Variants in EXOC3 observed in about 807,000 individuals in gnomAD.
EXOC3 encodes SEC6-like 1.
In EXOC3, 21 loss-of-function variants were observed where a neutral mutation model predicts 73.7. The ratio of observed to expected loss-of-function variants is 0.29; its 90% CI spans 0.20 to 0.41. EXOC3 has a LOEUF of 0.41. Among genes scored for constraint, EXOC3 ranks in the 10% least tolerant of loss-of-function variants. The probability of loss-of-function intolerance (pLI) is 1.00; values close to 1 mark genes in which losing one functional copy is unlikely to be tolerated. For synonymous variants in EXOC3, 410 were observed against 389.1 expected (o/e 1.05, Z -0.63); for missense variants, 842 against 985.1 (o/e 0.85, Z 1.95).
At chr5:443,691 C>G (rs999451328) in intron 1 of EXOC3, among the ~76,000 whole-genome samples, 1 of 151,396 alleles carries the variant, frequency 6.6e-6, no homozygotes, top group Non-Finnish European at 1.5e-5. Flanking sequence ...AGTGTCCTTC[C>G]TGGCGCAGGT....
At chr5:448,218 AGGGCAGAGGCG>A (rs1737561340) in intron 3 of EXOC3, among the ~76,000 whole-genome samples, 1 of 152,236 alleles carries the variant, frequency 6.6e-6, no homozygotes, top group South Asian at 2.1e-4. Flanking sequence ...TGCACAGGCC[AGGGCAGAGGCG>A]GGGCTGAGCG....
At chr5:464,886 TG>T in intron 10 of EXOC3, 1 of 581,938 alleles carries the variant, frequency 1.7e-6, no homozygotes, top group East Asian at 2.9e-5. Context: ...TCTGTCCTGC[TG>T]GGGGCCGGAG....
At position 447,631 on chromosome 5, in the gene EXOC3, C is replaced by T. The variant is rs772047083; in HGVS notation, c.243C>T (p.Asp81=). The change falls in exon 3 of 13, where the codon GAC becomes GAT. Residue 81 remains aspartate, a synonymous_variant. Coordinates refer to ENST00000512944, the MANE Select transcript of EXOC3 (RefSeq NM_007277.5). Reference sequence around the variant, plus strand: ...AAGACATCCAGCAGTCGCTGGCAGACGTCAGCAAGGACTGGAGGCAGAGCA... The same window carrying T: ...AAGACATCCAGCAGTCGCTGGCAGATGTCAGCAAGGACTGGAGGCAGAGCA... ...DVKDIQQSLA[D]VSKDWRQSIN... is the part of the protein sequence containing the mutation. The T allele has an allele frequency of 3.2e-5, 51 of 1,583,794 alleles. No homozygotes were observed. Among genetic ancestry groups the T allele is most frequent in the African/African-American group, 6.7e-5 (5 of 74,162 alleles).
intron 3 of EXOC3, among the ~76,000 whole-genome samples, chr5:448,553 C>T (rs1737569150): frequency 6.6e-6 from 1 of 152,302 alleles, no homozygotes; most frequent in Middle Eastern, 3.4e-3. Flanking sequence ...TGTTCCTCTA[C>T]CAGACGTCTC....
chr5:444,931 C>G (rs1737461657), intron 1 of EXOC3: 1 of 138,092 alleles, frequency 7.2e-6, no homozygotes, highest in Non-Finnish European at 1.7e-5. Flanking sequence ...TCCAGATTTT[C>G]TACGTTGGTA....
Position 467,040 on chromosome 5 carries a change from G to A in EXOC3, c.*142G>A. 1 of 864,980 alleles carries A rather than the reference G, an allele frequency of 1.2e-6. No homozygotes were observed. Among genetic ancestry groups the A allele is most frequent in the East Asian group, 2.7e-5 (1 of 37,528 alleles). 53.6% of individuals were successfully genotyped at this position (864,980 alleles called of 1,614,324 possible). A position where few individuals can be genotyped will look rare whatever the true frequency, so the allele number is the denominator to read the frequency against. ...TTTAGGTGCCAGTGTGATGCACCGG[G>A]TGTGCGTCGAGTGAGCGTCCCGAGG... On this transcript the variant is annotated 3_prime_UTR_variant, in exon 13 of 13. Coordinates refer to ENST00000512944, the MANE Select transcript of EXOC3 (RefSeq NM_007277.5).
rs1560939999 is a variant in EXOC3, at chr5:461,950, C to G, written c.1392-10C>G. ...TTAGTGCTGTCTGACCGAAGCCTGTCTGTCCTCAGATATAAAGATGAAGCG... is the reference window on the plus strand; with the variant it reads ...TTAGTGCTGTCTGACCGAAGCCTGTGTGTCCTCAGATATAAAGATGAAGCG... On this transcript the variant is annotated splice_polypyrimidine_tract_variant and intron_variant, in intron 7 of 12. Coordinates refer to ENST00000512944, the MANE Select transcript of EXOC3 (RefSeq NM_007277.5). The G allele has an allele frequency of 1.3e-6, 2 of 1,570,594 alleles. No individual in the cohort carries two copies. Among genetic ancestry groups the G allele is most frequent in the African/African-American group, 1.4e-5 (1 of 73,762 alleles).
chr5:465,346 C>T lies in EXOC3; in HGVS notation c.1938+74C>T, dbSNP rs900331470. On this transcript the variant is annotated intron_variant, in intron 11 of 12. Coordinates refer to ENST00000512944, the MANE Select transcript of EXOC3 (RefSeq NM_007277.5). ...CCTGTTCAGCCTCCACCCCGGGACT[C>T]GGGCCAGTAGATGGGAGTGTGTCGT... 4.7e-6 allele frequency: 7 copies of T among 1,487,384 alleles called. No individual in the cohort carries two copies. The African/African-American group carries it at 7.0e-5, about 15-fold the overall frequency. 92.1% of individuals were successfully genotyped at this position (1,487,384 alleles called of 1,614,324 possible). A position where few individuals can be genotyped will look rare whatever the true frequency, so the allele number is the denominator to read the frequency against.
chr5:462,083 G>C lies in EXOC3; in HGVS notation c.1502+13G>C. On this transcript the variant is annotated intron_variant, in intron 8 of 12. Transcript: ENST00000512944. The stretch of plus-strand genomic sequence containing the variant: ...GCCAGACCTTCAAGTGAGTGTGGCC[G>C]GGCGCTGTGGCGGGGGAGCGGTGGA... 2 of 1,610,006 alleles carry C rather than the reference G, an allele frequency of 1.2e-6. No homozygotes were observed. The highest frequency in any genetic ancestry group is 1.7e-6 in the Non-Finnish European group (2 of 1,177,936).
At chr5:460,053 C>T (rs180841630) in intron 7 of EXOC3, among the ~76,000 whole-genome samples, 10 of 152,368 alleles carry the variant, frequency 6.6e-5, no homozygotes, top group African/African-American at 2.4e-4. Context: ...AGGCAAACCC[C>T]GGGCGCTGTG....
rs762549793 is a variant in EXOC3, at chr5:446,304, C to A, written c.99C>A (p.Arg33=). 1 of 1,613,688 alleles carries A rather than the reference C, an allele frequency of 6.2e-7. No homozygotes were observed. ...AGCTGGACAAGGTGGAGCAGTATCG[C>A]AGGAGAGAAGCGCGGAAGAAGGCCT... is the stretch of plus-strand genomic sequence containing the variant. ...PDQLDKVEQY[R]RREARKKASV... Residue 33 remains arginine, a synonymous_variant, in exon 2 of 13, where the codon CGC becomes CGA. Coordinates refer to ENST00000512944, the MANE Select transcript of EXOC3 (RefSeq NM_007277.5).
At position 461,822 on chromosome 5, in the gene EXOC3, G is replaced by T. The variant is rs886851684; in HGVS notation, c.1392-138G>T. ...CTTCCATTAGTCTGGATCGTCTAAA[G>T]ATTGTTTTATTTTTAGAGGCTCATC... On this transcript the variant is annotated intron_variant, in intron 7 of 12. Coordinates refer to ENST00000512944, the MANE Select transcript of EXOC3 (RefSeq NM_007277.5). 1.6e-5 allele frequency: 10 copies of T among 636,232 alleles called. No homozygotes were observed. The African/African-American group carries it at 1.8e-4, about 12-fold the overall frequency. 39.4% of individuals were successfully genotyped at this position (636,232 alleles called of 1,614,324 possible). A position where few individuals can be genotyped will look rare whatever the true frequency, so the allele number is the denominator to read the frequency against.
At chr5:455,184 A>G (rs1737774666) in intron 4 of EXOC3, among the ~76,000 whole-genome samples, 1 of 152,210 alleles carries the variant, frequency 6.6e-6, no homozygotes, top group Non-Finnish European at 1.5e-5. Context: ...TCAGCAGCCC[A>G]TGAGGCAGGA....
In EXOC3 at chr5:462,245, T is replaced by G; in HGVS notation, c.1591T>G (p.Leu531Val). 6.2e-7 allele frequency: 1 copy of G among 1,613,998 alleles called. No homozygotes were observed. Among genetic ancestry groups the G allele is most frequent in the Non-Finnish European group, 8.5e-7 (1 of 1,179,902 alleles). Residue 531 changes from leucine (L) to valine (V), a missense_variant, in exon 9 of 13, where the codon TTA becomes GTA. Leu to Val is a conservative substitution (Grantham distance 32). Transcript: ENST00000512944. ...SPSQPSMDGILDAIAKEGCSG... is the reference protein window; with the variant it reads ...SPSQPSMDGIVDAIAKEGCSG... ...GAGCCAGCCCAGCATGGACGGGATT[T>G]TAGACGCCATCGCGAAGGAGGGCTG...
chr5:447,561 T>C lies in EXOC3; in HGVS notation c.173T>C (p.Val58Ala). 1 of 1,584,276 alleles carries C rather than the reference T, an allele frequency of 6.3e-7. No homozygotes were observed. Among genetic ancestry groups the C allele is most frequent in the South Asian group, 1.2e-5 (1 of 86,704 alleles). ...GCCATCCAGTCACAGTTGGACGGGG[T>C]GCGCACAGGCCTCAGCCAGCTCCAC... The part of the protein sequence containing the change: ...KAAIQSQLDG[V>A]RTGLSQLHNA... Residue 58 changes from valine to alanine, a missense_variant, in exon 3 of 13, where the codon GTG (valine) becomes GCG (alanine). Physicochemically the swap from Val to Ala is moderately conservative, Grantham distance 64 (BLOSUM62 0). Coordinates refer to ENST00000512944, the MANE Select transcript of EXOC3 (RefSeq NM_007277.5).
Position 447,597 on chromosome 5 carries a change from A to G in EXOC3, c.209A>G (p.Asn70Ser). The change falls in exon 3 of 13, where the codon AAT becomes AGT. Residue 70 changes from asparagine to serine, a missense_variant. Coordinates refer to ENST00000512944, the MANE Select transcript of EXOC3 (RefSeq NM_007277.5). The part of the protein sequence containing the change: ...TGLSQLHNAL[N>S]DVKDIQQSLA... ...CTCAGCCAGCTCCACAACGCCCTGA[A>G]TGACGTCAAAGACATCCAGCAGTCG... is the stretch of plus-strand genomic sequence containing the variant. 1 of 1,590,794 alleles carries G rather than the reference A, an allele frequency of 6.3e-7. No homozygotes were observed. The highest frequency in any genetic ancestry group is 8.6e-7 in the Non-Finnish European group (1 of 1,168,580).
At chr5:456,119 C>T (rs1737802175) in intron 4 of EXOC3, among the ~76,000 whole-genome samples, 1 of 152,188 alleles carries the variant, frequency 6.6e-6, no homozygotes, top group Non-Finnish European at 1.5e-5. Context: ...CCTCCATACT[C>T]AATGGGGAGG....
At chr5:446,907 T>G (rs1027642447) in intron 2 of EXOC3, 1 of 155,966 alleles carries the variant, frequency 6.4e-6, no homozygotes, top group Non-Finnish European at 1.4e-5. Context: ...AAAGTGTCTA[T>G]TAAGTTTTTA....
Position 466,859 on chromosome 5 carries a change from T to C in EXOC3, c.2199T>C (p.Ile733=). Residue 733 remains isoleucine (I), a synonymous_variant, in exon 13 of 13, where the codon ATT becomes ATC. Transcript: ENST00000512944. ...SPSYVPLFKD[I]VVPSLNVAKL... ...GCTACGTGCCCCTCTTCAAGGACAT[T>C]GTGGTGCCCAGCCTGAACGTGGCCA... is the stretch of plus-strand genomic sequence containing the variant. 1 of 1,612,230 alleles carries C rather than the reference T, an allele frequency of 6.2e-7. No individual in the cohort carries two copies. The highest frequency in any genetic ancestry group is 8.5e-7 in the Non-Finnish European group (1 of 1,179,288).
Sources: gnomAD v4.1 joint callset for allele counts (sites outside exome capture counted in the v4.1 genomes callset) on GRCh38, gnomAD v4.1.1 for gene constraint, MANE v1.5 for transcripts, NCBI Gene and HGNC (gene_info 2026-07-23, HGNC 2026-07-21) for gene names.